Variants in LGALS3 observed in about 807,000 individuals in gnomAD.
The protein encoded by LGALS3 is galectin-3.
LGALS3 carries 18 observed loss-of-function variants against 20.7 expected under a neutral mutation model. The observed-to-expected ratio is 0.87, with a 90% CI of 0.60 to 1.29. The LOEUF is 1.29. Ranked by LOEUF, LGALS3 falls within the 50% of genes most tolerant of loss-of-function variation. The pLI is 0.00. For missense variants in LGALS3, 315 were observed against 314.7 expected, an observed-to-expected ratio of 1.00 and a Z score of -0.01; for synonymous variants, 112 against 119.6, an observed-to-expected ratio of 0.94 and a Z score of 0.42.
At position 55,140,257 on chromosome 14, in the gene LGALS3, G is replaced by A. The variant is rs758680646; in HGVS notation, c.343-18G>A. Reference sequence around the variant, plus strand: ...AACATGACTCCTTATTGACACATATGTACTTGTTAATTCCCAGATTGTGCC... The same window carrying A: ...AACATGACTCCTTATTGACACATATATACTTGTTAATTCCCAGATTGTGCC... On this transcript the variant is annotated intron_variant, in intron 3 of 5. Coordinates refer to ENST00000254301, the MANE Select transcript of LGALS3 (RefSeq NM_002306.4). The A allele has an allele frequency of 3.9e-6, 6 of 1,539,502 alleles. No homozygotes were observed. Among genetic ancestry groups the A allele is most frequent in the East Asian group, 4.5e-5 (2 of 44,528 alleles).
chr14:55,144,752 G>C (rs900765563), intron 5 of LGALS3, among the ~76,000 whole-genome samples: 21 of 152,104 alleles, frequency 1.4e-4, no homozygotes, highest in Admixed American at 1.4e-3. Flanking sequence ...TTTCAGTAGA[G>C]ATGGGGTTTC....
chr14:55,135,368 G>A (rs1881356090), intron 1 of LGALS3, among the ~76,000 whole-genome samples: 1 of 151,984 alleles, frequency 6.6e-6, no homozygotes, highest in Non-Finnish European at 1.5e-5. Flanking sequence ...TCAGATTAGG[G>A]ATGCTTAACT....
chr14:55,136,862 G>A (rs1298437641), intron 1 of LGALS3, among the ~76,000 whole-genome samples: 2 of 128,956 alleles, frequency 1.6e-5, no homozygotes, highest in Non-Finnish European at 3.1e-5. Flanking sequence ...CTATATCTCT[G>A]TGGGCTCAAT....
At chr14:55,141,316 C>A (rs1388642690) in intron 4 of LGALS3, among the ~76,000 whole-genome samples, 1 of 152,202 alleles carries the variant, frequency 6.6e-6, no homozygotes, top group African/African-American at 2.4e-5. Context: ...ATGCCCGTCT[C>A]ATAGCAAATT....
In LGALS3 at chr14:55,145,367, A is replaced by G. The variant is rs1419767332; in HGVS notation, c.*96A>G. On this transcript the variant is annotated 3_prime_UTR_variant, in exon 6 of 6. Transcript: ENST00000254301. ...TGAGTGAAAATTTTTACATTCATCA[A>G]TATCCCTCTTGTAAGTCATCTACTT... 1.9e-6 allele frequency: 3 copies of G among 1,571,622 alleles called. No individual in the cohort carries two copies. The highest frequency in any genetic ancestry group is 1.3e-5 in the African/African-American group (1 of 74,320).
chr14:55,141,022 G>C (rs767689861), intron 4 of LGALS3, among the ~76,000 whole-genome samples: 1 of 152,156 alleles, frequency 6.6e-6, no homozygotes, highest in Non-Finnish European at 1.5e-5. Context: ...TAGTGGAACT[G>C]TCTCTAGGTC....
chr14:55,130,736 T>C (rs1192123422), intron 1 of LGALS3, among the ~76,000 whole-genome samples: 1 of 131,888 alleles, frequency 7.6e-6, no homozygotes, highest in Non-Finnish European at 1.6e-5. Context: ...ATTTTGTATT[T>C]TTCGTGGTGG....
chr14:55,135,148 CCTGT>C (rs1165350113), intron 1 of LGALS3, among the ~76,000 whole-genome samples: 1 of 151,342 alleles, frequency 6.6e-6, no homozygotes, highest in Non-Finnish European at 1.5e-5. Flanking sequence ...AGAACAAGAC[CCTGT>C]CTAAAAAAAA....
chr14:55,130,753 TGGGG>T (rs752557592), intron 1 of LGALS3, among the ~76,000 whole-genome samples: 1 of 60,890 alleles, frequency 1.6e-5, no homozygotes, highest in East Asian at 5.6e-4. Flanking sequence ...GTGGTGGTGG[TGGGG>T]GGGGGGGGGT....
In LGALS3 at chr14:55,145,119, C is replaced by G; in HGVS notation, c.601C>G (p.Gln201Glu). The change falls in exon 6 of 6, where the codon CAA becomes GAA. Residue 201 changes from glutamine to glutamate, a missense_variant. Physicochemically the swap from Gln to Glu is conservative, Grantham distance 29. Coordinates refer to ENST00000254301, the MANE Select transcript of LGALS3 (RefSeq NM_002306.4). The part of the protein sequence containing the change: ...PFESGKPFKI[Q>E]VLVEPDHFKV... The stretch of plus-strand genomic sequence containing the variant: ...GTTTATGTATATGCCATTTCAGATA[C>G]AAGTACTGGTTGAACCTGACCACTT... 6.2e-7 allele frequency: 1 copy of G among 1,612,922 alleles called. No individual in the cohort carries two copies.
At chr14:55,132,474 G>A (rs1004269355) in intron 1 of LGALS3, among the ~76,000 whole-genome samples, 1 of 152,186 alleles carries the variant, frequency 6.6e-6, no homozygotes, top group African/African-American at 2.4e-5. Context: ...TTTCAGGCAA[G>A]TAAGGATGAT....
Position 55,142,680 on chromosome 14 carries a change from G to A in LGALS3, c.528G>A (p.Lys176=). Residue 176 remains lysine, a synonymous_variant, in exon 5 of 6, where the codon AAG becomes AAA. Coordinates refer to ENST00000254301, the MANE Select transcript of LGALS3 (RefSeq NM_002306.4). ...NNRRVIVCNT[K]LDNNWGREER... ...GGAGAGTCATTGTTTGCAATACAAA[G>A]CTGGATAATAACTGGGGAAGGGAAG... is the stretch of plus-strand genomic sequence containing the variant. 6.2e-7 allele frequency: 1 copy of A among 1,613,970 alleles called. No homozygotes were observed. Among genetic ancestry groups the A allele is most frequent in the South Asian group, 1.1e-5 (1 of 91,066 alleles).
Position 55,137,844 on chromosome 14 carries a change from AGT to A in LGALS3, c.19-199_19-198del, listed in dbSNP as rs1881459033. 10 of 1,304,090 alleles carry A rather than the reference AGT, an allele frequency of 7.7e-6. No individual in the cohort carries two copies. In the South Asian group the frequency reaches 2.3e-4, roughly 29 times the overall value. 80.8% of individuals were successfully genotyped at this position (1,304,090 alleles called of 1,614,324 possible). On this transcript the variant is annotated intron_variant, in intron 2 of 5. Transcript: ENST00000254301. ...CTGAGACGTTGGGAGGCAAGAATAA[AGT>A]GAAAAAGTATATGTAATCCCAACAT...
In LGALS3 at chr14:55,140,344, G is replaced by A. The variant is rs1209811773; in HGVS notation, c.412G>A (p.Val138Met). ...CATGCTGATAACAATTCTGGGCACG[G>A]TGAAGCCCAATGCAAACAGGTAAGG... ...PRMLITILGT[V>M]KPNANRIALD... is the part of the protein sequence containing the mutation. The change falls in exon 4 of 6, where the codon GTG becomes ATG. Residue 138 changes from valine (V) to methionine (M), a missense_variant. Physicochemically the swap from Val to Met is conservative, Grantham distance 21. Coordinates refer to ENST00000254301, the MANE Select transcript of LGALS3 (RefSeq NM_002306.4). 1.2e-6 allele frequency: 2 copies of A among 1,612,474 alleles called. No individual in the cohort carries two copies. The highest frequency in any genetic ancestry group is 2.2e-5 in the East Asian group (1 of 44,864).
intron 4 of LGALS3, among the ~76,000 whole-genome samples, chr14:55,141,311 C>T (rs551291215): frequency 1.3e-5 from 2 of 152,268 alleles, no homozygotes; most frequent in African/African-American, 2.4e-5. Flanking sequence ...CAATAATGCC[C>T]GTCTCATAGC....
intron 1 of LGALS3, among the ~76,000 whole-genome samples, chr14:55,134,737 G>A (rs918904703): frequency 2.0e-5 from 3 of 152,182 alleles, no homozygotes; most frequent in African/African-American, 7.2e-5. Flanking sequence ...GTAAATGAAA[G>A]ATGCAGTAAC....
intron 1 of LGALS3, among the ~76,000 whole-genome samples, chr14:55,130,069 C>T (rs978313039): frequency 6.6e-6 from 1 of 152,250 alleles, no homozygotes; most frequent in Non-Finnish European, 1.5e-5. Flanking sequence ...CTAAGCTTTT[C>T]CGAATCAAAT....
intron 2 of LGALS3, chr14:55,137,687 G>T (rs1017761648): frequency 5.3e-5 from 75 of 1,404,788 alleles, no homozygotes; most frequent in Non-Finnish European, 6.9e-5. Flanking sequence ...TGAGTAGCGG[G>T]AAGTGCGGTA....
chr14:55,144,325 T>C (rs569863534), intron 5 of LGALS3, among the ~76,000 whole-genome samples: 1 of 152,286 alleles, frequency 6.6e-6, no homozygotes, highest in Admixed American at 6.5e-5. Flanking sequence ...TGTATTTTTC[T>C]TGTAGAGATG....
Sources: allele counts gnomAD v4.1 joint callset (sites outside exome capture counted in the v4.1 genomes callset), GRCh38; gene constraint gnomAD v4.1.1; transcripts MANE v1.5; gene names NCBI Gene and HGNC (gene_info 2026-07-23, HGNC 2026-07-21).